CHRNA7: variants seen among roughly 807,000 people sequenced by gnomAD.
CHRNA7 encodes cholinergic receptor nicotinic alpha 7 subunit.
In CHRNA7, 17 loss-of-function variants were observed where a neutral mutation model predicts 48.0. That is an observed-to-expected ratio of 0.35 (90% CI 0.24 to 0.53). CHRNA7 has a LOEUF of 0.53. CHRNA7 is among the 20% of genes least tolerant of loss of function. CHRNA7 has a pLI of 0.92. For missense variants in CHRNA7, 155 were observed against 577.7 expected (o/e 0.27, Z 7.50); for synonymous variants, 75 against 242.3 (o/e 0.31, Z 6.41).
At chr15:32,101,241 G>A in intron 2 of CHRNA7, 62 bp from the exon 3 acceptor site, 1 of 1,538,402 alleles carries the variant, frequency 6.5e-7, no homozygotes, top group Non-Finnish European at 8.9e-7. Context: ...GTGAATAATT[G>A]TCTCATTCTT....
At chr15:32,121,118 A>T (rs931593567) in intron 4 of CHRNA7, among the ~76,000 whole-genome samples, 1 of 152,240 alleles carries the variant, frequency 6.6e-6, no homozygotes, top group Non-Finnish European at 1.5e-5. Context: ...CTAAGACCTC[A>T]GCAGTGCAGG....
chr15:32,032,981 C>T (rs1243293652), intron 2 of CHRNA7, among the ~76,000 whole-genome samples: 1 of 152,194 alleles, frequency 6.6e-6, no homozygotes, highest in Non-Finnish European at 1.5e-5. Context: ...TTTAAAATAA[C>T]TTTTGTCATG....
intron 2 of CHRNA7, chr15:32,100,722 T>C (rs1186091229): frequency 6.5e-6 from 1 of 154,714 alleles, no homozygotes; most frequent in African/African-American, 2.4e-5. Context: ...CCTTCAGGTG[T>C]ATTTCAAGAG....
At chr15:32,069,347 A>C (rs1229371150) in intron 2 of CHRNA7, among the ~76,000 whole-genome samples, 1 of 152,254 alleles carries the variant, frequency 6.6e-6, no homozygotes. Flanking sequence ...ATTCAGTGCA[A>C]TAGTCAAAGC....
intron 2 of CHRNA7, among the ~76,000 whole-genome samples, chr15:32,051,517 G>C (rs1390720466): frequency 6.6e-6 from 1 of 152,172 alleles, no homozygotes; most frequent in East Asian, 1.9e-4. Flanking sequence ...GCAGTATTGG[G>C]GTGGGAGTGG....
At chr15:32,037,862 CA>C (rs1902167580) in intron 2 of CHRNA7, among the ~76,000 whole-genome samples, 1 of 151,578 alleles carries the variant, frequency 6.6e-6, no homozygotes, top group Admixed American at 6.6e-5. Context: ...CGATCAAAGA[CA>C]GCTTTATTTC....
intron 2 of CHRNA7, among the ~76,000 whole-genome samples, chr15:32,034,655 T>A (rs1436527787): frequency 6.6e-6 from 1 of 152,216 alleles, no homozygotes; most frequent in Non-Finnish European, 1.5e-5. Context: ...AAGACCAGCC[T>A]GCCATAGCAT....
intron 2 of CHRNA7, among the ~76,000 whole-genome samples, chr15:32,083,993 T>C (rs1168845928): frequency 1.3e-5 from 2 of 152,172 alleles, no homozygotes; most frequent in Middle Eastern, 3.2e-3. Flanking sequence ...AGATGGGCAA[T>C]GGAATTTTGG....
chr15:32,073,809 T>C (rs2050094747), intron 2 of CHRNA7, among the ~76,000 whole-genome samples: 1 of 152,164 alleles, frequency 6.6e-6, no homozygotes, highest in South Asian at 2.1e-4. Flanking sequence ...CACAATGATT[T>C]TAAGCTTCCT....
intron 2 of CHRNA7, among the ~76,000 whole-genome samples, chr15:32,089,233 C>G (rs777291574): frequency 3.9e-5 from 6 of 152,108 alleles, no homozygotes; most frequent in Non-Finnish European, 5.9e-5. Context: ...TCTTTCTGCT[C>G]TGCTCTCGCT....
At chr15:32,166,101 C>T (rs2052116354) in intron 9 of CHRNA7, 1 of 152,382 alleles carries the variant, frequency 6.6e-6, no homozygotes, top group Non-Finnish European at 1.5e-5. Flanking sequence ...CTTACAGACC[C>T]TTTGACAGAT....
At chr15:32,079,282 G>C (rs946898686) in intron 2 of CHRNA7, among the ~76,000 whole-genome samples, 5 of 152,140 alleles carry the variant, frequency 3.3e-5, no homozygotes, top group African/African-American at 1.2e-4. Flanking sequence ...ATTCAACATA[G>C]TATTGGAAAT....
At chr15:32,137,011 G>A (rs368494530) in intron 4 of CHRNA7, among the ~76,000 whole-genome samples, 40 of 109,782 alleles carry the variant, frequency 3.6e-4, no homozygotes, top group African/African-American at 1.4e-3. Flanking sequence ...CAGCCTGGGC[G>A]ACAGAGCGAG....
At chr15:32,143,505 T>C (rs533130828) in intron 4 of CHRNA7, among the ~76,000 whole-genome samples, 135 of 152,048 alleles carry the variant, frequency 8.9e-4, no homozygotes, top group Non-Finnish European at 9.9e-4. Context: ...TGATCTAATA[T>C]TGACAGTGGG....
At chr15:32,137,040 A>AT (rs1477820506) in intron 4 of CHRNA7, among the ~76,000 whole-genome samples, 23 of 146,648 alleles carry the variant, frequency 1.6e-4, no homozygotes, top group African/African-American at 5.7e-4. Context: ...TCAAAAAAAA[A>AT]AAAAAAGAAA....
chr15:32,052,783 A>T (rs2049714736), intron 2 of CHRNA7, among the ~76,000 whole-genome samples: 1 of 152,168 alleles, frequency 6.6e-6, no homozygotes, highest in Admixed American at 6.5e-5. Flanking sequence ...ATATAGTTAG[A>T]TAGAAGGAAT....
At chr15:32,056,152 T>A (rs1595393852) in intron 2 of CHRNA7, among the ~76,000 whole-genome samples, 1 of 152,336 alleles carries the variant, frequency 6.6e-6, no homozygotes, top group Non-Finnish European at 1.5e-5. Flanking sequence ...CAGAAATTCT[T>A]AATTTTAGTG....
chr15:32,059,862 A>G (rs2049848325), intron 2 of CHRNA7, among the ~76,000 whole-genome samples: 1 of 146,550 alleles, frequency 6.8e-6, no homozygotes, highest in African/African-American at 2.5e-5. Flanking sequence ...GCTATTTAGG[A>G]CATTACAGAG....
At chr15:32,061,179 C>T (rs1214406598) in intron 2 of CHRNA7, among the ~76,000 whole-genome samples, 2 of 152,156 alleles carry the variant, frequency 1.3e-5, no homozygotes, top group African/African-American at 4.8e-5. Context: ...CCATGCTCAG[C>T]GGGACTAGAC....
Sources: gnomAD v4.1 joint callset for allele counts (sites outside exome capture counted in the v4.1 genomes callset) on GRCh38, gnomAD v4.1.1 for gene constraint, MANE v1.5 for transcripts, NCBI Gene and HGNC (gene_info 2026-07-23, HGNC 2026-07-21) for gene names.